The following ELOVL6 variants were observed in gnomAD, a reference collection of about 807,000 sequenced individuals.
ELOVL6 encodes the protein ELOVL fatty acid elongase 6.
In ELOVL6, 8 loss-of-function variants were observed where a neutral mutation model predicts 31.7. That is an observed-to-expected ratio of 0.25 (90% confidence interval 0.15 to 0.45). The LOEUF is 0.45. ELOVL6 is among the 20% of genes least tolerant of loss of function. ELOVL6 has a pLI of 1.00. For missense variants in ELOVL6, 126 were observed against 326.4 expected, an observed-to-expected ratio of 0.39 and a Z score of 4.73; for synonymous variants, 101 against 117.7, an observed-to-expected ratio of 0.86 and a Z score of 0.92.
intron 1 of ELOVL6, among the ~76,000 whole-genome samples, chr4:110,175,172 C>G (rs1220468091): frequency 2.0e-5 from 3 of 151,968 alleles, no homozygotes; most frequent in Non-Finnish European, 4.4e-5. Context: ...TCACTTGAGG[C>G]TAGGAGTTTG....
At chr4:110,180,921 G>A (rs770395625) in intron 1 of ELOVL6, among the ~76,000 whole-genome samples, 1 of 152,142 alleles carries the variant, frequency 6.6e-6, no homozygotes, top group African/African-American at 2.4e-5. Context: ...AAGATTACTT[G>A]AGACCCGGAA....
At chr4:110,196,513 C>T (rs1192289049) in intron 1 of ELOVL6, among the ~76,000 whole-genome samples, 4 of 152,182 alleles carry the variant, frequency 2.6e-5, no homozygotes, top group Non-Finnish European at 1.5e-5. Flanking sequence ...CGAGGGGCCT[C>T]GGCTGCCCCG....
intron 1 of ELOVL6, among the ~76,000 whole-genome samples, chr4:110,167,881 A>G (rs1398325853): frequency 6.6e-6 from 1 of 152,108 alleles, no homozygotes; most frequent in Non-Finnish European, 1.5e-5. Context: ...TATCTCCATG[A>G]TTAGGGCTAT....
intron 2 of ELOVL6, among the ~76,000 whole-genome samples, chr4:110,085,960 A>T (rs916422673): frequency 6.6e-6 from 1 of 152,168 alleles, no homozygotes; most frequent in Non-Finnish European, 1.5e-5. Flanking sequence ...TAATCCCAAG[A>T]GTGCTGAGAT....
chr4:110,158,462 A>T (rs545720802), intron 1 of ELOVL6, among the ~76,000 whole-genome samples: 6 of 150,356 alleles, frequency 4.0e-5, no homozygotes, highest in Non-Finnish European at 4.5e-5. Context: ...CTCCACACTC[A>T]TTAACATTTT....
intron 1 of ELOVL6, among the ~76,000 whole-genome samples, chr4:110,196,331 G>A (rs115690498): frequency 0.021 from 3,141 of 152,308 alleles, 108 homozygotes; most frequent in African/African-American, 0.072. Flanking sequence ...GCCCGAACAG[G>A]CCGGCTGGAG....
At chr4:110,129,096 A>T (rs192109052) in intron 1 of ELOVL6, among the ~76,000 whole-genome samples, 1 of 152,340 alleles carries the variant, frequency 6.6e-6, no homozygotes, top group African/African-American at 2.4e-5. Context: ...AGTCCAGAAA[A>T]ATTATGTATA....
At chr4:110,126,483 G>C (rs1012327033) in intron 1 of ELOVL6, among the ~76,000 whole-genome samples, 6 of 152,134 alleles carry the variant, frequency 3.9e-5, no homozygotes, top group Non-Finnish European at 5.9e-5. Flanking sequence ...TATACATATG[G>C]ATGGTAGTGA....
chr4:110,066,748 A>G (rs1200761666), intron 2 of ELOVL6, among the ~76,000 whole-genome samples: 1 of 151,994 alleles, frequency 6.6e-6, no homozygotes, highest in African/African-American at 2.4e-5. Context: ...CTTGAGAACA[A>G]GCATCTTTAT....
chr4:110,074,170 C>T (rs184371106), intron 2 of ELOVL6, among the ~76,000 whole-genome samples: 2 of 152,284 alleles, frequency 1.3e-5, no homozygotes, highest in East Asian at 3.9e-4. Context: ...TGAGGATGCT[C>T]AAGTCTCTGA....
At chr4:110,164,374 G>C (rs1199181074) in intron 1 of ELOVL6, among the ~76,000 whole-genome samples, 1 of 152,166 alleles carries the variant, frequency 6.6e-6, no homozygotes, top group South Asian at 2.1e-4. Flanking sequence ...AAAACGGTTT[G>C]TATAGCATGA....
At position 110,175,104 on chromosome 4, in the gene ELOVL6, C is replaced by T. The variant is rs142387768; in HGVS notation, c.89+23143G>A. Among the ~76,000 whole-genome samples, 561 of 152,026 alleles carry T rather than the reference C, an allele frequency of 3.7e-3. 1 individual carries two copies. The highest frequency in any genetic ancestry group is 0.012 in the African/African-American group (498 of 41,460). ...TATACAATCAAGACATAAGTATCGGCCAGTCACAGTGGCTCATGCCTGTAA... is the reference window on the plus strand; with the variant it reads ...TATACAATCAAGACATAAGTATCGGTCAGTCACAGTGGCTCATGCCTGTAA... On this transcript the variant is annotated intron_variant, in intron 1 of 3. Transcript: ENST00000302274.
intron 2 of ELOVL6, among the ~76,000 whole-genome samples, chr4:110,084,245 T>TATATAACATATATG (rs1756089357): frequency 3.0e-5 from 4 of 134,248 alleles, no homozygotes; most frequent in Admixed American, 1.6e-4. Flanking sequence ...ACATATATGA[T>TATATAACATATATG]ATATATAACA....
intron 2 of ELOVL6, among the ~76,000 whole-genome samples, chr4:110,103,575 T>A (rs1051766561): frequency 9.3e-4 from 142 of 152,308 alleles, no homozygotes; most frequent in African/African-American, 3.3e-3. Context: ...AGTTTCTTCT[T>A]ATAGAAAGCC....
chr4:110,182,033 A>G (rs973621354), intron 1 of ELOVL6, among the ~76,000 whole-genome samples: 12 of 152,194 alleles, frequency 7.9e-5, no homozygotes, highest in Non-Finnish European at 1.5e-4. Context: ...AGGTGCCACA[A>G]GGTCCCTGAG....
At chr4:110,058,425 TG>T (rs1197096798) in intron 3 of ELOVL6, among the ~76,000 whole-genome samples, 1 of 152,184 alleles carries the variant, frequency 6.6e-6, no homozygotes, top group Non-Finnish European at 1.5e-5. Context: ...GTTTTTGACC[TG>T]GGAAGACAGT....
chr4:110,073,311 ATT>A (rs879322313), intron 2 of ELOVL6, among the ~76,000 whole-genome samples: 3 of 147,868 alleles, frequency 2.0e-5, no homozygotes, highest in African/African-American at 7.4e-5. Flanking sequence ...TCACAGAGGC[ATT>A]TTTTTTTTTA....
chr4:110,067,755 AT>A (rs1259966875), intron 2 of ELOVL6, among the ~76,000 whole-genome samples: 1 of 152,178 alleles, frequency 6.6e-6, no homozygotes, highest in Non-Finnish European at 1.5e-5. Flanking sequence ...ATTTGTGTAC[AT>A]TTTTTTAAAG....
At chr4:110,112,689 A>T (rs1757068607) in intron 1 of ELOVL6, among the ~76,000 whole-genome samples, 1 of 151,280 alleles carries the variant, frequency 6.6e-6, no homozygotes, top group Non-Finnish European at 1.5e-5. Context: ...CCTGGACAAC[A>T]TGGTGAAACC....
Sources: allele counts gnomAD v4.1 joint callset (sites outside exome capture counted in the v4.1 genomes callset), GRCh38; gene constraint gnomAD v4.1.1; transcripts MANE v1.5; gene names NCBI Gene and HGNC (gene_info 2026-07-23, HGNC 2026-07-21).